Variants in CYRIA observed in about 807,000 individuals in gnomAD.
CYRIA encodes the protein CYFIP related Rac1 interactor A.
A neutral mutation model predicts 43.9 loss-of-function variants in CYRIA; 15 were observed. The ratio of observed to expected loss-of-function variants is 0.34; its 90% CI spans 0.23 to 0.53. The LOEUF (loss-of-function observed/expected upper bound fraction) is 0.53, where lower values mean the gene tolerates loss of function less well. Among genes scored for constraint, CYRIA ranks in the 20% least tolerant of loss-of-function variants. The probability of loss-of-function intolerance (pLI) is 0.94; values close to 1 mark genes in which losing one functional copy is unlikely to be tolerated. For synonymous variants in CYRIA, 117 were observed against 136.0 expected (o/e 0.86, Z 0.97); for missense variants, 236 against 394.2 (o/e 0.60, Z 3.40).
chr2:16,567,432 C>CACAAAAAAAAA, intron 3 of CYRIA, among the ~76,000 whole-genome samples: 1 of 151,960 alleles, frequency 6.6e-6, no homozygotes, highest in Non-Finnish European at 1.5e-5. Context: ...AACAATGAAA[C>CACAAAAAAAAA]AAAACAAAAA....
At position 16,617,195 on chromosome 2, in the gene CYRIA, A is replaced by T. The variant is rs6710674; in HGVS notation, c.-11+6669T>A. Among the ~76,000 whole-genome samples the T allele has an allele frequency of 4.6e-4, 70 of 152,134 alleles. No individual in the cohort carries two copies. The South Asian group carries it at 7.7e-3, about 17-fold the overall frequency. On this transcript the variant is annotated intron_variant, in intron 2 of 11. Coordinates refer to ENST00000381323, the MANE Select transcript of CYRIA (RefSeq NM_030797.4). The stretch of plus-strand genomic sequence containing the variant: ...CTGGAGACAGGAAAGAGCTGAGGTA[A>T]GAGAAATGAGGCCCTAAGAGGAGCA...
At chr2:16,627,265 T>C (rs997653628) in intron 1 of CYRIA, among the ~76,000 whole-genome samples, 2 of 145,988 alleles carry the variant, frequency 1.4e-5, no homozygotes, top group African/African-American at 5.3e-5. Flanking sequence ...GTCCCCACCC[T>C]CCGGGGTGGG....
intron 2 of CYRIA, among the ~76,000 whole-genome samples, chr2:16,609,616 TC>T (rs1212585282): frequency 1.3e-5 from 2 of 152,198 alleles, no homozygotes; most frequent in African/African-American, 4.8e-5. Flanking sequence ...ACTATTTTAC[TC>T]CCACTCCCCA....
At chr2:16,566,985 G>C (rs753162547) in intron 3 of CYRIA, among the ~76,000 whole-genome samples, 24 of 152,146 alleles carry the variant, frequency 1.6e-4, no homozygotes, top group Non-Finnish European at 3.5e-4. Flanking sequence ...CACTAACAGA[G>C]GGTGAAGGCC....
chr2:16,585,511 A>G (rs1667697904), intron 3 of CYRIA, among the ~76,000 whole-genome samples: 1 of 152,182 alleles, frequency 6.6e-6, no homozygotes, highest in South Asian at 2.1e-4. Flanking sequence ...AGGATTTTAT[A>G]TATGTTTACA....
At chr2:16,635,688 C>A (rs1383177230) in intron 1 of CYRIA, among the ~76,000 whole-genome samples, 1 of 152,130 alleles carries the variant, frequency 6.6e-6, no homozygotes, top group Non-Finnish European at 1.5e-5. Context: ...CCTGGAGACT[C>A]AGATTAGACA....
chr2:16,563,102 G>C (rs1181296473), intron 5 of CYRIA, among the ~76,000 whole-genome samples: 1 of 152,120 alleles, frequency 6.6e-6, no homozygotes, highest in African/African-American at 2.4e-5. Context: ...ACCTTGGCCT[G>C]CTCTCGTAAG....
At chr2:16,655,067 C>A (rs1373351605) in intron 1 of CYRIA, among the ~76,000 whole-genome samples, 1 of 152,200 alleles carries the variant, frequency 6.6e-6, no homozygotes, top group African/African-American at 2.4e-5. Context: ...GAGGCCTTGA[C>A]ACACAGATGT....
At chr2:16,562,288 G>A (rs192501458) in intron 5 of CYRIA, 147 bp from the exon 6 acceptor site, 21 of 872,052 alleles carry the variant, frequency 2.4e-5, no homozygotes, top group Middle Eastern at 3.6e-4. Context: ...GCATGTGGAC[G>A]AGGAAGAGAA....
At chr2:16,601,448 T>C (rs1019104718) in intron 2 of CYRIA, among the ~76,000 whole-genome samples, 5 of 152,128 alleles carry the variant, frequency 3.3e-5, no homozygotes, top group African/African-American at 1.2e-4. Context: ...TCAATTTTTT[T>C]CCCCCAAATA....
intron 2 of CYRIA, among the ~76,000 whole-genome samples, chr2:16,590,063 T>C (rs1422633276): frequency 7.5e-6 from 1 of 133,396 alleles, no homozygotes; most frequent in African/African-American, 3.5e-5. Context: ...TATTTGGGCA[T>C]GCATGCACAC....
intron 2 of CYRIA, among the ~76,000 whole-genome samples, chr2:16,613,386 T>C (rs1668669970): frequency 6.6e-6 from 1 of 152,160 alleles, no homozygotes; most frequent in Non-Finnish European, 1.5e-5. Flanking sequence ...GGACACTCAT[T>C]CCCCTGCTTT....
At position 16,639,908 on chromosome 2, in the gene CYRIA, C is replaced by T. The variant is rs549643644; in HGVS notation, c.-166-15889G>A. Among the ~76,000 whole-genome samples, 16 of 152,316 alleles carry T rather than the reference C, an allele frequency of 1.1e-4. No individual in the cohort carries two copies. The East Asian group carries it at 2.7e-3, about 26-fold the overall frequency. ...CTGTTCTTTGCCTTTTGAGTAAAGC[C>T]TGACAATATTTTGGACCACTCTTTT... On this transcript the variant is annotated intron_variant, in intron 1 of 11. Coordinates refer to ENST00000381323, the MANE Select transcript of CYRIA (RefSeq NM_030797.4).
intron 1 of CYRIA, among the ~76,000 whole-genome samples, chr2:16,651,759 T>C (rs190730799): frequency 2.6e-5 from 4 of 152,298 alleles, no homozygotes; most frequent in Admixed American, 2.6e-4. Context: ...TAACTTTTTA[T>C]TATTTTAATA....
At chr2:16,601,829 A>C (rs61142812) in intron 2 of CYRIA, among the ~76,000 whole-genome samples, 4,828 of 152,318 alleles carry the variant, frequency 0.032, 239 homozygotes, top group South Asian at 0.096. Context: ...CCAGAGTATA[A>C]AACCAAATGA....
intron 3 of CYRIA, among the ~76,000 whole-genome samples, chr2:16,579,608 C>T (rs1394895405): frequency 6.6e-6 from 1 of 152,020 alleles, no homozygotes; most frequent in Non-Finnish European, 1.5e-5. Flanking sequence ...AATTTCTTTA[C>T]TATGTAAAGA....
Position 16,550,951 on chromosome 2 carries a change from G to A in CYRIA, c.*1985C>T, listed in dbSNP as rs1666287351. On this transcript the variant is annotated 3_prime_UTR_variant, in exon 12 of 12. Coordinates refer to ENST00000381323, the MANE Select transcript of CYRIA (RefSeq NM_030797.4). ...GAATATCTCCTAACTTTCCTCACCT[G>A]GTATGATCACATATTCTGGCTTCCT... 6.6e-6 allele frequency: 1 copy of A among 152,080 alleles called. No individual in the cohort carries two copies. The highest frequency in any genetic ancestry group is 1.5e-5 in the Non-Finnish European group (1 of 67,994). The allele number at this position is 152,080 out of a possible 1,614,324, so 9.4% of individuals were successfully genotyped here.
intron 2 of CYRIA, among the ~76,000 whole-genome samples, chr2:16,608,712 G>A (rs1170626940): frequency 2.6e-5 from 4 of 152,220 alleles, no homozygotes; most frequent in African/African-American, 9.6e-5. Context: ...GTAGCATCTG[G>A]CATGCAGTAG....
chr2:16,560,451 G>A (rs1470148396), intron 9 of CYRIA, among the ~76,000 whole-genome samples: 2 of 152,106 alleles, frequency 1.3e-5, no homozygotes, highest in African/African-American at 4.8e-5. Context: ...CATAGTAGGG[G>A]CTACAGCCAT....
Sources: allele counts gnomAD v4.1 joint callset (sites outside exome capture counted in the v4.1 genomes callset), GRCh38; gene constraint gnomAD v4.1.1; transcripts MANE v1.5; gene names NCBI Gene and HGNC (gene_info 2026-07-23, HGNC 2026-07-21).